Variants in PLCH1 observed in about 807,000 individuals in gnomAD.
The protein encoded by PLCH1 is 1-phosphatidylinositol 4,5-bisphosphate phosphodiesterase eta-1.
Under a neutral mutation model 126.7 loss-of-function variants are expected in PLCH1, and 60 were observed. That is an observed-to-expected ratio of 0.47 (90% CI 0.38 to 0.59). The LOEUF is 0.59. Among genes scored for constraint, PLCH1 ranks in the 20% least tolerant of loss-of-function variants. The pLI is 0.00. For missense variants in PLCH1, 1,723 were observed against 2,040.0 expected, an observed-to-expected ratio of 0.84 and a Z score of 2.99; for synonymous variants, 719 against 734.9, an observed-to-expected ratio of 0.98 and a Z score of 0.35.
At chr3:155,504,085 C>T (rs1718306979) in intron 13 of PLCH1, among the ~76,000 whole-genome samples, 1 of 152,170 alleles carries the variant, frequency 6.6e-6, no homozygotes, top group African/African-American at 2.4e-5. Flanking sequence ...TCCCAGATGA[C>T]TGACGGGTGA....
rs185115945 is a variant in PLCH1 at position 155,502,760 on chromosome 3, G to A, written c.1704+1795C>T. The stretch of plus-strand genomic sequence containing the variant: ...AATGTTTCACAGGTCGAGCTCTTCC[G>A]AGGGATCATCTTTTAATGGCTGCAT... On this transcript the variant is annotated intron_variant, in intron 13 of 22. Transcript: ENST00000460012. Among the ~76,000 whole-genome samples the A allele has an allele frequency of 6.9e-3, 1,055 of 152,180 alleles. 5 individuals carry two copies. Among genetic ancestry groups the A allele is most frequent in the Non-Finnish European group, 0.011 (721 of 68,012 alleles).
At chr3:155,684,687 T>C (rs1744798477) in intron 2 of PLCH1, among the ~76,000 whole-genome samples, 1 of 152,176 alleles carries the variant, frequency 6.6e-6, no homozygotes, top group Non-Finnish European at 1.5e-5. Flanking sequence ...GAGATTGTAC[T>C]GGCTCCTCCG....
At chr3:155,560,280 C>A (rs1468268922) in intron 8 of PLCH1, among the ~76,000 whole-genome samples, 1 of 152,150 alleles carries the variant, frequency 6.6e-6, no homozygotes, top group African/African-American at 2.4e-5. Context: ...GTGCTCAGGG[C>A]ATCTCTATGC....
chr3:155,601,000 A>G (rs1396262703), intron 2 of PLCH1, among the ~76,000 whole-genome samples: 1 of 152,188 alleles, frequency 6.6e-6, no homozygotes, highest in Non-Finnish European at 1.5e-5. Context: ...TTTTAGACGG[A>G]GTCTCGCTCT....
chr3:155,455,828 GAGAGTTACACAC>G (rs1399538827), intron 21 of PLCH1, among the ~76,000 whole-genome samples: 2 of 152,246 alleles, frequency 1.3e-5, no homozygotes, highest in African/African-American at 4.8e-5. Context: ...GGCTTTGTTG[GAGAGTTACACAC>G]AGAGAAATAG....
chr3:155,648,462 A>G (rs923083451), intron 2 of PLCH1, among the ~76,000 whole-genome samples: 3 of 152,164 alleles, frequency 2.0e-5, no homozygotes, highest in Non-Finnish European at 4.4e-5. Flanking sequence ...TCCCCTTTAC[A>G]AAGGCCTACT....
chr3:155,726,335 TG>T (rs1205224839), intron 1 of PLCH1, among the ~76,000 whole-genome samples: 1 of 152,216 alleles, frequency 6.6e-6, no homozygotes, highest in African/African-American at 2.4e-5. Context: ...TTTTAAAGAT[TG>T]TTTTTTAATG....
At chr3:155,657,208 C>A (rs1741499564) in intron 2 of PLCH1, among the ~76,000 whole-genome samples, 1 of 152,130 alleles carries the variant, frequency 6.6e-6, no homozygotes, top group Non-Finnish European at 1.5e-5. Flanking sequence ...GTTTTCAAGG[C>A]TTTGGAGTCA....
intron 21 of PLCH1, among the ~76,000 whole-genome samples, chr3:155,470,473 G>A (rs1217050816): frequency 6.6e-6 from 1 of 152,118 alleles, no homozygotes; most frequent in Non-Finnish European, 1.5e-5. Context: ...AAGTGATGGG[G>A]AGAATGGAAC....
chr3:155,498,856 C>T (rs1560073651), intron 14 of PLCH1, among the ~76,000 whole-genome samples: 1 of 152,134 alleles, frequency 6.6e-6, no homozygotes, highest in Non-Finnish European at 1.5e-5. Context: ...TGTACCACCA[C>T]TCTCTTCTGC....
intron 2 of PLCH1, among the ~76,000 whole-genome samples, chr3:155,695,170 A>G (rs759210101): frequency 5.3e-5 from 8 of 152,352 alleles, no homozygotes; most frequent in Admixed American, 2.0e-4. Context: ...ATATGTATGT[A>G]TAACCAACAT....
intron 2 of PLCH1, among the ~76,000 whole-genome samples, chr3:155,689,415 C>T (rs1745204844): frequency 6.6e-6 from 1 of 152,058 alleles, no homozygotes; most frequent in South Asian, 2.1e-4. Flanking sequence ...GAAAACATGA[C>T]CTTACCAAAT....
chr3:155,603,387 GGGTA>G (rs1044033585), intron 2 of PLCH1, among the ~76,000 whole-genome samples: 62 of 45,936 alleles, frequency 1.3e-3, no homozygotes, highest in Non-Finnish European at 5.7e-3. Flanking sequence ...CAGAAGTAAA[GGGTA>G]TGTTTGTTTA....
intron 2 of PLCH1, among the ~76,000 whole-genome samples, chr3:155,672,941 T>A (rs1577295865): frequency 1.3e-5 from 2 of 151,994 alleles, no homozygotes; most frequent in East Asian, 3.9e-4. Flanking sequence ...TGGTCTCCAG[T>A]GCTCCAGCCT....
At chr3:155,739,308 A>T (rs1350101821) in intron 1 of PLCH1, among the ~76,000 whole-genome samples, 2 of 152,210 alleles carry the variant, frequency 1.3e-5, no homozygotes, top group African/African-American at 2.4e-5. Flanking sequence ...TAAAACCAAC[A>T]TCTAAATCTT....
chr3:155,694,063 T>C (rs1745620886), intron 2 of PLCH1, among the ~76,000 whole-genome samples: 2 of 152,248 alleles, frequency 1.3e-5, no homozygotes, highest in Non-Finnish European at 2.9e-5. Flanking sequence ...TCTTTTTTAA[T>C]GCTCCCCCTT....
intron 8 of PLCH1, among the ~76,000 whole-genome samples, chr3:155,559,990 T>C (rs1427878011): frequency 6.6e-6 from 1 of 152,174 alleles, no homozygotes; most frequent in Non-Finnish European, 1.5e-5. Context: ...GTTTAGAAGT[T>C]TTGAGTCGGT....
chr3:155,505,941 C>T (rs919967234), intron 12 of PLCH1, among the ~76,000 whole-genome samples: 6 of 149,526 alleles, frequency 4.0e-5, no homozygotes, highest in Admixed American at 1.3e-4. Context: ...TCTGTGAGTT[C>T]CTCTCTATTT....
intron 2 of PLCH1, among the ~76,000 whole-genome samples, chr3:155,684,279 G>A (rs1465613443): frequency 1.3e-5 from 2 of 152,164 alleles, no homozygotes; most frequent in African/African-American, 2.4e-5. Context: ...TGGGGGAAGC[G>A]GGTAGAGAGG....
Sources: gnomAD v4.1 joint callset for allele counts (sites outside exome capture counted in the v4.1 genomes callset) on GRCh38, gnomAD v4.1.1 for gene constraint, MANE v1.5 for transcripts, NCBI Gene and HGNC (gene_info 2026-07-23, HGNC 2026-07-21) for gene names.